The following ZNF618 variants were observed in gnomAD, a reference collection of about 807,000 sequenced individuals.
The protein encoded by ZNF618 is neural precursor cell expressed, developmentally down-regulated 10.
Under a neutral mutation model 103.0 loss-of-function variants are expected in ZNF618, and 34 were observed. The ratio of observed to expected loss-of-function variants is 0.33; its 90% CI spans 0.25 to 0.44. The LOEUF (loss-of-function observed/expected upper bound fraction) is 0.44, where lower values mean the gene tolerates loss of function less well. ZNF618 is among the 20% of genes least tolerant of loss of function. The probability of loss-of-function intolerance (pLI) is 1.00; values close to 1 mark genes in which losing one functional copy is unlikely to be tolerated. For missense variants in ZNF618, 1,059 were observed against 1,295.4 expected, an observed-to-expected ratio of 0.82 and a Z score of 2.80; for synonymous variants, 551 against 542.2, an observed-to-expected ratio of 1.02 and a Z score of -0.23.
At chr9:113,946,319 G>T (rs967755118) in intron 1 of ZNF618, among the ~76,000 whole-genome samples, 2 of 150,516 alleles carry the variant, frequency 1.3e-5, no homozygotes, top group African/African-American at 4.9e-5. Context: ...GGCTTGCCTA[G>T]CCCAAGGTCA....
chr9:113,938,907 G>A (rs1435958795), intron 1 of ZNF618, among the ~76,000 whole-genome samples: 1 of 152,058 alleles, frequency 6.6e-6, no homozygotes, highest in African/African-American at 2.4e-5. Flanking sequence ...TTGTTGATAT[G>A]TAGGAAAGCT....
chr9:114,011,828 A>T (rs1842274380), intron 9 of ZNF618, among the ~76,000 whole-genome samples: 1 of 152,236 alleles, frequency 6.6e-6, no homozygotes, highest in African/African-American at 2.4e-5. Flanking sequence ...GCTAGAAAAG[A>T]GAGAGTTGGT....
At chr9:113,927,609 G>A (rs1462316889) in intron 1 of ZNF618, among the ~76,000 whole-genome samples, 1 of 152,194 alleles carries the variant, frequency 6.6e-6, no homozygotes, top group African/African-American at 2.4e-5. Flanking sequence ...AAGGCTAGAG[G>A]AGTCTGGAGT....
At chr9:113,988,283 G>A in intron 2 of ZNF618, 38 bp from the exon 3 acceptor site, 1 of 1,583,442 alleles carries the variant, frequency 6.3e-7, no homozygotes, top group Non-Finnish European at 8.6e-7. Flanking sequence ...TGTTGATCTG[G>A]AGGAAGAAGG....
chr9:113,963,431 A>G (rs993677241), intron 1 of ZNF618, among the ~76,000 whole-genome samples: 1 of 152,216 alleles, frequency 6.6e-6, no homozygotes, highest in Non-Finnish European at 1.5e-5. Context: ...AAGACTTCAA[A>G]GGGCATTTGA....
At chr9:113,946,215 G>A (rs1044847884) in intron 1 of ZNF618, among the ~76,000 whole-genome samples, 12 of 152,280 alleles carry the variant, frequency 7.9e-5, no homozygotes, top group African/African-American at 2.6e-4. Flanking sequence ...GCCCCCTCAC[G>A]GAAACCTGGG....
chr9:113,939,029 C>T (rs1834307316), intron 1 of ZNF618, among the ~76,000 whole-genome samples: 1 of 151,544 alleles, frequency 6.6e-6, no homozygotes, highest in South Asian at 2.1e-4. Flanking sequence ...ATTGTATCTG[C>T]CATTAATGGC....
intron 12 of ZNF618, among the ~76,000 whole-genome samples, chr9:114,034,182 A>G (rs1365548461): frequency 6.6e-6 from 1 of 152,166 alleles, no homozygotes; most frequent in Non-Finnish European, 1.5e-5. Context: ...TAAGTAAACC[A>G]AGTGATTTGA....
chr9:114,004,406 C>T (rs991146931), intron 6 of ZNF618, among the ~76,000 whole-genome samples: 3 of 152,206 alleles, frequency 2.0e-5, no homozygotes, highest in African/African-American at 7.2e-5. Flanking sequence ...TTCCGGCTCC[C>T]ATGGACTGGC....
rs1352598778 is a variant in ZNF618, at chr9:114,049,297, C to G, written c.1995C>G (p.Leu665=). 3 of 1,612,144 alleles carry G rather than the reference C, an allele frequency of 1.9e-6. No individual in the cohort carries two copies. The highest frequency in any genetic ancestry group is 2.5e-6 in the Non-Finnish European group (3 of 1,179,704). The change falls in exon 15 of 15, where the codon CTC becomes CTG. Residue 665 remains leucine (L), a synonymous_variant. Coordinates refer to ENST00000374126, the MANE Select transcript of ZNF618 (RefSeq NM_001318042.2). ...ARSMHEVIEL[L]NVCEDLAGST... The stretch of plus-strand genomic sequence containing the variant: ...GCATGCACGAGGTCATCGAGCTGCT[C>G]AACGTGTGCGAGGACCTGGCGGGCT...
chr9:114,029,689 G>A (rs533252927), intron 11 of ZNF618, among the ~76,000 whole-genome samples: 220 of 152,272 alleles, frequency 1.4e-3, no homozygotes, highest in African/African-American at 5.1e-3. Context: ...GGATAAGCCG[G>A]ATGGTTGACC....
intron 3 of ZNF618, among the ~76,000 whole-genome samples, chr9:113,994,433 C>T (rs893378253): frequency 5.9e-5 from 9 of 152,216 alleles, no homozygotes; most frequent in African/African-American, 1.9e-4. Context: ...CCCTCCCAGG[C>T]GCGTCCTGTC....
chr9:113,943,406 C>T (rs1372251316), intron 1 of ZNF618, among the ~76,000 whole-genome samples: 2 of 152,092 alleles, frequency 1.3e-5, no homozygotes, highest in African/African-American at 4.8e-5. Context: ...AAGCCTGGAG[C>T]CACGTGTGAT....
intron 2 of ZNF618, among the ~76,000 whole-genome samples, chr9:113,977,642 A>G (rs1387649087): frequency 6.6e-6 from 1 of 152,160 alleles, no homozygotes; most frequent in African/African-American, 2.4e-5. Flanking sequence ...GTACATTGCT[A>G]ATTGGTCAGA....
Position 114,050,419 on chromosome 9 carries a change from G to A in ZNF618, c.*252G>A. On this transcript the variant is annotated 3_prime_UTR_variant, in exon 15 of 15. Transcript: ENST00000374126. ...GGGGGGTCTCTGTGCTCATCTCCAT[G>A]GCCAGAGAAACTTTGCACACACGCA... 1 of 396,950 alleles carries A rather than the reference G, an allele frequency of 2.5e-6. No individual in the cohort carries two copies. The highest frequency in any genetic ancestry group is 4.5e-6 in the Non-Finnish European group (1 of 223,972). 24.6% of individuals were successfully genotyped at this position (396,950 alleles called of 1,614,324 possible).
chr9:113,882,903 G>A (rs2130833384), intron 1 of ZNF618, among the ~76,000 whole-genome samples: 1 of 152,212 alleles, frequency 6.6e-6, no homozygotes, highest in South Asian at 2.1e-4. Context: ...ATTTCCCCAG[G>A]TAGGCTTCCT....
Position 113,902,275 on chromosome 9 carries a change from T to C in ZNF618, c.33+25862T>C, listed in dbSNP as rs558407517. Among the ~76,000 whole-genome samples the C allele has an allele frequency of 1.9e-3, 293 of 152,314 alleles. 1 individual carries two copies. Among genetic ancestry groups the C allele is most frequent in the African/African-American group, 6.8e-3 (282 of 41,568 alleles). On this transcript the variant is annotated intron_variant, in intron 1 of 14. Coordinates refer to ENST00000374126, the MANE Select transcript of ZNF618 (RefSeq NM_001318042.2). ...TCAGAGAACCCCATGTGGAGTTAGT[T>C]ATGAAGATTAAATGAATTAATACAT...
intron 6 of ZNF618, among the ~76,000 whole-genome samples, chr9:114,005,782 G>A (rs1410311540): frequency 6.6e-6 from 1 of 152,214 alleles, no homozygotes; most frequent in Admixed American, 6.5e-5. Flanking sequence ...TACATGAAAG[G>A]ATTAAAGCCT....
intron 1 of ZNF618, among the ~76,000 whole-genome samples, chr9:113,929,889 A>T (rs1051054653): frequency 1.3e-5 from 2 of 152,206 alleles, no homozygotes; most frequent in Non-Finnish European, 2.9e-5. Context: ...ATGGCTTTCT[A>T]ATAAGAAGAG....
Sources: allele counts gnomAD v4.1 joint callset (sites outside exome capture counted in the v4.1 genomes callset), GRCh38; gene constraint gnomAD v4.1.1; transcripts MANE v1.5; gene names NCBI Gene and HGNC (gene_info 2026-07-23, HGNC 2026-07-21).